Variants in CTNNA3 observed in about 807,000 individuals in gnomAD.
The protein encoded by CTNNA3 is catenin alpha 3, also known as catenin alpha-3.
In CTNNA3, 76 loss-of-function variants were observed where a neutral mutation model predicts 95.7. The observed-to-expected ratio is 0.79, with a 90% confidence interval of 0.66 to 0.96. The LOEUF is 0.96. Ranked by LOEUF, CTNNA3 falls within the 40% of genes least tolerant of loss-of-function variation. CTNNA3 has a pLI of 0.00. For missense variants in CTNNA3, 1,191 were observed against 1,089.8 expected, an observed-to-expected ratio of 1.09 and a Z score of -1.31; for synonymous variants, 431 against 374.4, an observed-to-expected ratio of 1.15 and a Z score of -1.74.
At chr10:66,273,710 G>A (rs1398762567) in intron 13 of CTNNA3, among the ~76,000 whole-genome samples, 1 of 152,142 alleles carries the variant, frequency 6.6e-6, no homozygotes, top group South Asian at 2.1e-4. Flanking sequence ...GGTGGGTTCT[G>A]GTAATTAAAC....
At chr10:67,122,766 A>G (rs1859532463) in intron 7 of CTNNA3, among the ~76,000 whole-genome samples, 1 of 152,090 alleles carries the variant, frequency 6.6e-6, no homozygotes, top group African/African-American at 2.4e-5. Flanking sequence ...CCTTGCCTGA[A>G]AGGGAAAGAT....
intron 11 of CTNNA3, among the ~76,000 whole-genome samples, chr10:66,399,285 T>C (rs1199152689): frequency 2.0e-5 from 3 of 151,876 alleles, no homozygotes; most frequent in Admixed American, 6.6e-5. Context: ...TTTATTTTCC[T>C]TTCCTGCATC....
intron 5 of CTNNA3, among the ~76,000 whole-genome samples, chr10:67,417,115 T>TA (rs903060219): frequency 1.7e-4 from 25 of 151,004 alleles, no homozygotes; most frequent in African/African-American, 3.4e-4. Flanking sequence ...TGTGTAGCCA[T>TA]AAAAAAAAAT....
At chr10:66,584,465 C>G (rs1013639297) in intron 10 of CTNNA3, among the ~76,000 whole-genome samples, 1 of 151,668 alleles carries the variant, frequency 6.6e-6, no homozygotes, top group African/African-American at 2.4e-5. Context: ...TATTGTTGCT[C>G]TAAAGTCTAT....
intron 7 of CTNNA3, among the ~76,000 whole-genome samples, chr10:67,081,738 G>T (rs1857068738): frequency 6.6e-6 from 1 of 152,122 alleles, no homozygotes; most frequent in Non-Finnish European, 1.5e-5. Flanking sequence ...CTTCTGCCTA[G>T]AACAGTCTTC....
intron 7 of CTNNA3, among the ~76,000 whole-genome samples, chr10:66,839,640 G>A (rs959675182): frequency 6.6e-6 from 1 of 152,076 alleles, no homozygotes; most frequent in Non-Finnish European, 1.5e-5. Context: ...CAAAAAGTGT[G>A]AAATGTGAAA....
chr10:67,639,841 T>G (rs939196372), intron 2 of CTNNA3, among the ~76,000 whole-genome samples: 3 of 152,176 alleles, frequency 2.0e-5, no homozygotes, highest in Non-Finnish European at 4.4e-5. Context: ...AAATTACGTA[T>G]TGATGGGACA....
intron 7 of CTNNA3, among the ~76,000 whole-genome samples, chr10:66,970,909 A>T (rs750069214): frequency 3.9e-5 from 6 of 152,160 alleles, no homozygotes; most frequent in Admixed American, 2.0e-4. Flanking sequence ...TGTTCAAGCA[A>T]GAAAATTCCC....
rs561699211 is a variant in CTNNA3, at chr10:66,911,348, C to CAT, written c.1048-135826_1048-135825dup. Among the ~76,000 whole-genome samples the CAT allele has an allele frequency of 3.6e-3, 543 of 152,224 alleles. 2 individuals are homozygous for CAT. The highest frequency in any genetic ancestry group is 0.012 in the African/African-American group (515 of 41,540). On this transcript the variant is annotated intron_variant, in intron 7 of 17. Coordinates refer to ENST00000433211, the MANE Select transcript of CTNNA3 (RefSeq NM_013266.4). ...ACTTTTGGATGGCGAGATCATGGTT[C>CAT]ATGTTTTATAATAAATATATATCAC...
At chr10:67,205,816 A>T (rs1391387613) in intron 6 of CTNNA3, among the ~76,000 whole-genome samples, 1 of 152,222 alleles carries the variant, frequency 6.6e-6, no homozygotes, top group Non-Finnish European at 1.5e-5. Context: ...AAAGGGAGAG[A>T]CACGTTACCA....
intron 7 of CTNNA3, among the ~76,000 whole-genome samples, chr10:66,812,944 C>G (rs1283022355): frequency 6.6e-6 from 1 of 152,088 alleles, no homozygotes. Context: ...TTTTCTCTCA[C>G]TATTTTGTTG....
intron 9 of CTNNA3, among the ~76,000 whole-genome samples, chr10:66,640,487 A>G (rs1009410068): frequency 6.6e-6 from 1 of 152,136 alleles, no homozygotes; most frequent in African/African-American, 2.4e-5. Flanking sequence ...AGTTGCAACC[A>G]CATTCATTGT....
chr10:66,484,722 CG>C (rs1358595797), intron 11 of CTNNA3, among the ~76,000 whole-genome samples: 7 of 151,946 alleles, frequency 4.6e-5, no homozygotes, highest in African/African-American at 1.7e-4. Context: ...GGACCAAACT[CG>C]TTTTACAAGG....
chr10:66,115,532 A>AGATAGATAGAT (rs144145505), intron 13 of CTNNA3, among the ~76,000 whole-genome samples: 3 of 115,584 alleles, frequency 2.6e-5, no homozygotes, highest in African/African-American at 1.0e-4. Flanking sequence ...GATGATAGAT[A>AGATAGATAGAT]GATAGATAGA....
chr10:67,307,744 T>A (rs1276152039), intron 5 of CTNNA3, among the ~76,000 whole-genome samples: 1 of 152,194 alleles, frequency 6.6e-6, no homozygotes, highest in Non-Finnish European at 1.5e-5. Context: ...AACCTCAGAC[T>A]GTGCTCCAAG....
chr10:65,961,307 A>G (rs191963183), intron 17 of CTNNA3, among the ~76,000 whole-genome samples: 1 of 151,956 alleles, frequency 6.6e-6, no homozygotes, highest in Admixed American at 6.6e-5. Flanking sequence ...TCAGTACTCA[A>G]CTGATCATGA....
Position 66,820,176 on chromosome 10 carries a change from G to C in CTNNA3, c.1048-44652C>G, listed in dbSNP as rs550431007. Among the ~76,000 whole-genome samples the C allele has an allele frequency of 3.3e-5, 5 of 152,000 alleles. No homozygotes were observed. The South Asian group carries it at 1.0e-3, about 32-fold the overall frequency. On this transcript the variant is annotated intron_variant, in intron 7 of 17. Coordinates refer to ENST00000433211, the MANE Select transcript of CTNNA3 (RefSeq NM_013266.4). ...CATCATAAAAATGGAATGAAATAAT[G>C]ATTTCTGCTACACATCATGGATAAA...
intron 4 of CTNNA3, among the ~76,000 whole-genome samples, chr10:67,528,842 G>T (rs1174599832): frequency 6.6e-6 from 1 of 152,156 alleles, no homozygotes; most frequent in Non-Finnish European, 1.5e-5. Context: ...TAACTGGAAA[G>T]ATGCTGATTC....
intron 17 of CTNNA3, among the ~76,000 whole-genome samples, chr10:65,923,351 T>C (rs948706270): frequency 1.3e-5 from 2 of 152,234 alleles, no homozygotes; most frequent in South Asian, 4.1e-4. Flanking sequence ...TGCTTAAATA[T>C]ATTTTCTGTA....
Sources: allele counts gnomAD v4.1 joint callset (sites outside exome capture counted in the v4.1 genomes callset), GRCh38; gene constraint gnomAD v4.1.1; transcripts MANE v1.5; gene names NCBI Gene and HGNC (gene_info 2026-07-23, HGNC 2026-07-21).